CSMD1: variants seen among roughly 807,000 people sequenced by gnomAD.
CSMD1 encodes CUB and Sushi multiple domains 1, also known as CUB and sushi domain-containing protein 1.
In CSMD1, 213 loss-of-function variants were observed where a neutral mutation model predicts 417.5. That is an observed-to-expected ratio of 0.51 (90% confidence interval 0.46 to 0.57). The LOEUF is 0.57. Ranked by LOEUF, CSMD1 falls within the 20% of genes least tolerant of loss-of-function variation. The pLI is 0.00. For synonymous variants in CSMD1, 2,862 were observed against 1,736.8 expected (o/e 1.65, Z -16.11); for missense variants, 6,923 against 4,529.7 (o/e 1.53, Z -15.17).
rs1274772448 is a variant in CSMD1 at position 3,290,546 on chromosome 8, T to A, written c.3951-6200A>T. On this transcript the variant is annotated intron_variant, in intron 25 of 69. Coordinates refer to ENST00000635120, the MANE Select transcript of CSMD1 (RefSeq NM_033225.6). Reference sequence around the variant, plus strand: ...TCCTTGAAGAGGTCCTTCACATCCCTTGTAAGTTGGATTGCTAGGTATTTT... The same window carrying A: ...TCCTTGAAGAGGTCCTTCACATCCCATGTAAGTTGGATTGCTAGGTATTTT... Among the ~76,000 whole-genome samples the A allele has an allele frequency of 5.5e-5, 8 of 145,976 alleles. 1 individual carries two copies. The highest frequency in any genetic ancestry group is 1.4e-4 in the African/African-American group (5 of 36,118).
chr8:4,233,171 C>A (rs1234487694), intron 3 of CSMD1, among the ~76,000 whole-genome samples: 1 of 152,176 alleles, frequency 6.6e-6, no homozygotes, highest in Non-Finnish European at 1.5e-5. Flanking sequence ...TTAATAGAAG[C>A]AACAACATTC....
chr8:4,054,520 T>A (rs1798593249), intron 3 of CSMD1, among the ~76,000 whole-genome samples: 1 of 152,124 alleles, frequency 6.6e-6, no homozygotes, highest in Admixed American at 6.6e-5. Flanking sequence ...ACACCCTACC[T>A]CATCCAATTA....
chr8:3,811,309 A>G (rs1042814298), intron 5 of CSMD1, among the ~76,000 whole-genome samples: 1 of 152,228 alleles, frequency 6.6e-6, no homozygotes, highest in African/African-American at 2.4e-5. Flanking sequence ...CTAACCTGCT[A>G]TAACCTTCAC....
At chr8:4,804,786 C>T (rs1191443780) in intron 1 of CSMD1, among the ~76,000 whole-genome samples, 2 of 152,158 alleles carry the variant, frequency 1.3e-5, no homozygotes, top group African/African-American at 2.4e-5. Flanking sequence ...TTACATGATA[C>T]AATTTATTCC....
chr8:4,959,508 C>G (rs966450871), intron 1 of CSMD1, among the ~76,000 whole-genome samples: 1 of 152,164 alleles, frequency 6.6e-6, no homozygotes, highest in Non-Finnish European at 1.5e-5. Flanking sequence ...CAAACGTATC[C>G]AGAATCCAAC....
intron 2 of CSMD1, among the ~76,000 whole-genome samples, chr8:4,437,578 GT>G (rs1448688571): frequency 1.3e-5 from 2 of 152,148 alleles, no homozygotes; most frequent in Non-Finnish European, 2.9e-5. Context: ...AGACTATCAG[GT>G]TTAAAATGTT....
At chr8:3,693,578 T>C (rs1255903554) in intron 7 of CSMD1, among the ~76,000 whole-genome samples, 7 of 152,058 alleles carry the variant, frequency 4.6e-5, no homozygotes, top group African/African-American at 1.4e-4. Context: ...CTACAGTGAA[T>C]AGAACACTAA....
chr8:4,131,453 T>G (rs1585383143), intron 3 of CSMD1, among the ~76,000 whole-genome samples: 1 of 152,324 alleles, frequency 6.6e-6, no homozygotes, highest in East Asian at 1.9e-4. Flanking sequence ...AATATACGAT[T>G]AAACTTCTTA....
chr8:3,493,405 A>G (rs534723436), intron 11 of CSMD1, among the ~76,000 whole-genome samples: 9 of 152,102 alleles, frequency 5.9e-5, no homozygotes, highest in Non-Finnish European at 8.8e-5. Context: ...TGTTTTTAAT[A>G]ATTGAAGAAA....
chr8:3,007,763 G>A (rs968741010), intron 52 of CSMD1, among the ~76,000 whole-genome samples: 4 of 125,974 alleles, frequency 3.2e-5, no homozygotes, highest in African/African-American at 8.8e-5. Flanking sequence ...ACACTCTGGG[G>A]ACCGCTGTGG....
At chr8:4,045,542 G>A (rs185605498) in intron 3 of CSMD1, among the ~76,000 whole-genome samples, 178 of 152,296 alleles carry the variant, frequency 1.2e-3, no homozygotes, top group African/African-American at 4.1e-3. Context: ...GGCAGCAGAT[G>A]CTGTTACAGC....
chr8:3,177,909 G>C (rs1451647826), intron 37 of CSMD1, among the ~76,000 whole-genome samples: 1 of 152,112 alleles, frequency 6.6e-6, no homozygotes, highest in Admixed American at 6.5e-5. Context: ...TGGTTTCATT[G>C]GTTTTCTTTA....
At chr8:3,953,759 G>C (rs1238606939) in intron 5 of CSMD1, among the ~76,000 whole-genome samples, 1 of 152,088 alleles carries the variant, frequency 6.6e-6, no homozygotes, top group African/African-American at 2.4e-5. Flanking sequence ...TGCTCCACGT[G>C]ACAGCTGAGC....
At chr8:3,542,599 G>A (rs1334378961) in intron 10 of CSMD1, among the ~76,000 whole-genome samples, 1 of 152,120 alleles carries the variant, frequency 6.6e-6, no homozygotes, top group Non-Finnish European at 1.5e-5. Flanking sequence ...GAGCAGGCCT[G>A]GCCTCCTTGA....
At chr8:3,541,609 G>T (rs1463367040) in intron 10 of CSMD1, among the ~76,000 whole-genome samples, 1 of 148,862 alleles carries the variant, frequency 6.7e-6, no homozygotes, top group African/African-American at 2.5e-5. Context: ...TCTAAAAATG[G>T]GTCATGATTT....
chr8:3,187,991 T>C (rs1796164526), intron 35 of CSMD1, 26 bp from the exon 36 acceptor site: 1 of 1,593,994 alleles, frequency 6.3e-7, no homozygotes, highest in Non-Finnish European at 8.6e-7. Context: ...ATTAAGTTAA[T>C]ATTTATTTTT....
At chr8:3,845,587 C>T (rs1803452830) in intron 5 of CSMD1, among the ~76,000 whole-genome samples, 1 of 152,140 alleles carries the variant, frequency 6.6e-6, no homozygotes, top group Admixed American at 6.5e-5. Flanking sequence ...CCTAGGACAT[C>T]TCAGTACACT....
At chr8:4,268,787 C>A (rs369379518) in intron 3 of CSMD1, among the ~76,000 whole-genome samples, 4 of 151,746 alleles carry the variant, frequency 2.6e-5, no homozygotes, top group African/African-American at 9.7e-5. Flanking sequence ...ATAACATCGA[C>A]ATCACAAAGG....
chr8:4,419,378 T>TA lies in CSMD1; in HGVS notation c.415+574dup, dbSNP rs969691272. Among the ~76,000 whole-genome samples, 51 of 152,178 alleles carry TA rather than the reference T, an allele frequency of 3.4e-4. No homozygotes were observed. The East Asian group carries it at 5.4e-3, about 16-fold the overall frequency. On this transcript the variant is annotated intron_variant, in intron 3 of 69. Coordinates refer to ENST00000635120, the MANE Select transcript of CSMD1 (RefSeq NM_033225.6). ...TTTTCCAAAGTTCTATCTCTGCATTTAAAAAAAATTTCTGCCAAAAGCCGT... is the reference window on the plus strand; with the variant it reads ...TTTTCCAAAGTTCTATCTCTGCATTTAAAAAAAAATTTCTGCCAAAAGCCGT...
Sources: gnomAD v4.1 joint callset for allele counts (sites outside exome capture counted in the v4.1 genomes callset) on GRCh38, gnomAD v4.1.1 for gene constraint, MANE v1.5 for transcripts, NCBI Gene and HGNC (gene_info 2026-07-23, HGNC 2026-07-21) for gene names.